KLHL15: variants seen among roughly 807,000 people sequenced by gnomAD.
KLHL15 encodes kelch like family member 15.
KLHL15 carries 1 observed loss-of-function variant against 29.3 expected under a neutral mutation model. The ratio of observed to expected loss-of-function variants is 0.03; its 90% CI spans 0.01 to 0.16. The LOEUF (loss-of-function observed/expected upper bound fraction) is 0.16, where lower values mean the gene tolerates loss of function less well. Ranked by LOEUF, KLHL15 falls within the 10% of genes least tolerant of loss-of-function variation. The probability of loss-of-function intolerance (pLI) is 1.00; values close to 1 mark genes in which losing one functional copy is unlikely to be tolerated. For missense variants in KLHL15, 215 were observed against 478.5 expected (o/e 0.45, Z 5.14); for synonymous variants, 212 against 184.5 (o/e 1.15, Z -1.21).
intron 2 of KLHL15, among the ~76,000 whole-genome samples, chrX:24,024,611 G>A (rs777150813): frequency 1.8e-5 from 2 of 112,761 alleles, no homozygotes; most frequent in African/African-American, 6.4e-5. Context: ...AAATAATCAT[G>A]GTACCTGCAG....
chrX:24,012,773 C>T (rs747978326), intron 2 of KLHL15, among the ~76,000 whole-genome samples: 75 of 111,371 alleles, frequency 6.7e-4, no homozygotes, highest in African/African-American at 2.1e-3. Flanking sequence ...TTTCAGCATT[C>T]TCTATCTTCT....
Position 23,987,675 on chromosome X carries a change from T to C in KLHL15, c.*246A>G, listed in dbSNP as rs1929010479. On this transcript the variant is annotated 3_prime_UTR_variant, in exon 4 of 4. Transcript: ENST00000328046. ...GCAGAAAATCAATATCCCAGATAAGTGGAGCATTCTATTCAACTGCTTCTG... is the reference window on the plus strand; with the variant it reads ...GCAGAAAATCAATATCCCAGATAAGCGGAGCATTCTATTCAACTGCTTCTG... 2 of 314,342 alleles carry C rather than the reference T, an allele frequency of 6.4e-6. No individual in the cohort carries two copies. Among genetic ancestry groups the C allele is most frequent in the East Asian group, 1.0e-4 (2 of 19,951 alleles). 25.9% of individuals were successfully genotyped at this position (314,342 alleles called of 1,213,427 possible).
chrX:24,017,815 A>G (rs746106100), intron 2 of KLHL15, among the ~76,000 whole-genome samples: 1 of 109,066 alleles, frequency 9.2e-6, no homozygotes. Flanking sequence ...AATTGTGTAC[A>G]TAATTCTTTA....
chrX:23,997,400 T>C (rs903467727), intron 3 of KLHL15, among the ~76,000 whole-genome samples: 3 of 110,513 alleles, frequency 2.7e-5, no homozygotes, highest in African/African-American at 9.9e-5. Context: ...ATGGTGCCAC[T>C]GCACTGCAGC....
intron 2 of KLHL15, among the ~76,000 whole-genome samples, chrX:24,010,155 C>G (rs188031793): frequency 9.0e-6 from 1 of 111,219 alleles, no homozygotes; most frequent in Non-Finnish European, 1.9e-5. Flanking sequence ...ACTCCCACCC[C>G]ACTTGGACCT....
intron 3 of KLHL15, among the ~76,000 whole-genome samples, chrX:23,999,915 G>A (rs1308080955): frequency 8.9e-6 from 1 of 112,193 alleles, no homozygotes; most frequent in Non-Finnish European, 1.9e-5. Flanking sequence ...ATGGGGTTGG[G>A]GAGGAAGGGT....
At chrX:23,993,171 A>C (rs1929119214) in intron 3 of KLHL15, among the ~76,000 whole-genome samples, 1 of 111,070 alleles carries the variant, frequency 9.0e-6, no homozygotes, top group Non-Finnish European at 1.9e-5. Context: ...AGCAAGTTCA[A>C]GTCATTCGAT....
In KLHL15 at chrX:23,986,480, T is replaced by A. The variant is rs1394345297; in HGVS notation, c.*1441A>T. On this transcript the variant is annotated 3_prime_UTR_variant, in exon 4 of 4. Transcript: ENST00000328046. ...AATGGCATCAATTTCAATGATCCAC[T>A]CCCAGGTTATTCTTGCTTAACTTTG... The A allele has an allele frequency of 8.9e-6, 1 of 112,098 alleles. No individual in the cohort carries two copies. The highest frequency in any genetic ancestry group is 3.2e-5 in the African/African-American group (1 of 30,914). The allele number at this position is 112,098 out of a possible 1,213,427, so 9.2% of individuals were successfully genotyped here. A position where few individuals can be genotyped will look rare whatever the true frequency, so the allele number is the denominator to read the frequency against.
chrX:24,025,901 T>C (rs1409778798), intron 1 of KLHL15, among the ~76,000 whole-genome samples: 1 of 110,870 alleles, frequency 9.0e-6, no homozygotes, highest in African/African-American at 3.3e-5. Context: ...CACTCAGCTG[T>C]CCTCGTCCCC....
intron 1 of KLHL15, among the ~76,000 whole-genome samples, chrX:24,025,633 C>T (rs1461750632): frequency 9.3e-6 from 1 of 107,617 alleles, no homozygotes; most frequent in African/African-American, 3.4e-5. Context: ...TGTTTACCTT[C>T]CCCCTGGTCG....
At chrX:23,996,238 T>C (rs981879787) in intron 3 of KLHL15, among the ~76,000 whole-genome samples, 2 of 111,829 alleles carry the variant, frequency 1.8e-5, no homozygotes, top group Non-Finnish European at 3.8e-5. Flanking sequence ...ATCCAAAAAA[T>C]GCTAACCTAA....
chrX:24,024,028 A>G (rs776278132), intron 2 of KLHL15, among the ~76,000 whole-genome samples: 113 of 112,436 alleles, frequency 1.0e-3, no homozygotes, highest in African/African-American at 3.5e-3. Flanking sequence ...CAAATTCGGA[A>G]AACAGAAAAG....
chrX:24,009,686 CAAAAAAAAAAAAA>C (rs748388349), intron 2 of KLHL15, among the ~76,000 whole-genome samples: 1,451 of 34,227 alleles, frequency 0.042, 22 homozygotes, highest in Middle Eastern at 0.13. Flanking sequence ...GTTCCATTTT[CAAAAAAAAAAAAA>C]AAAAAAAAAG....
intron 2 of KLHL15, among the ~76,000 whole-genome samples, chrX:24,010,570 A>G (rs1649164469): frequency 1.8e-5 from 2 of 112,182 alleles, no homozygotes; most frequent in Non-Finnish European, 3.8e-5. Context: ...ACTTTCTAGA[A>G]TATCTCATGA....
At position 23,985,857 on chromosome X, in the gene KLHL15, CACAT is replaced by C. The variant is rs1928975676; in HGVS notation, c.*2060_*2063del. On this transcript the variant is annotated 3_prime_UTR_variant, in exon 4 of 4. Transcript: ENST00000328046. ...TTATTTTCTTTAAAGCAAAATAGCA[CACAT>C]ACAAAGCCACTAAACTAATGTAGAA... 1.8e-5 allele frequency: 2 copies of C among 111,551 alleles called. No individual in the cohort carries two copies. Among genetic ancestry groups the C allele is most frequent in the Non-Finnish European group, 3.8e-5 (2 of 53,052 alleles). The allele number at this position is 111,551 out of a possible 1,213,427, so 9.2% of individuals were successfully genotyped here.
rs56242532 is a variant in KLHL15, at chrX:23,987,701, G to A, written c.*220C>T. 1,952 of 348,750 alleles carry A rather than the reference G, an allele frequency of 5.6e-3. 7 individuals are homozygous for A. Among genetic ancestry groups the A allele is most frequent in the Non-Finnish European group, 8.2e-3 (1,666 of 203,015 alleles). 28.7% of individuals were successfully genotyped at this position (348,750 alleles called of 1,213,427 possible). ...GGAGCATTCTATTCAACTGCTTCTG[G>A]AAGTAGTTTCAAGAGCTAGCACTTA... On this transcript the variant is annotated 3_prime_UTR_variant, in exon 4 of 4. Transcript: ENST00000328046.
chrX:23,998,241 G>T (rs1192750691), intron 3 of KLHL15, among the ~76,000 whole-genome samples: 1 of 110,320 alleles, frequency 9.1e-6, no homozygotes, highest in African/African-American at 3.3e-5. Flanking sequence ...GATTACAGGC[G>T]TGTGCCACCG....
intron 3 of KLHL15, among the ~76,000 whole-genome samples, chrX:24,002,006 G>T (rs184271991): frequency 9.7e-6 from 1 of 103,116 alleles, no homozygotes; most frequent in Non-Finnish European, 2.0e-5. Flanking sequence ...GGTGGCGGGC[G>T]CCTGTAGTCC....
chrX:23,988,443 G>A lies in KLHL15; in HGVS notation c.1293C>T (p.Thr431=), dbSNP rs140724429. The A allele has an allele frequency of 3.3e-5, 40 of 1,209,572 alleles. No homozygotes were observed. The African/African-American group carries it at 5.2e-4, about 16-fold the overall frequency. ...AGGTGGAAGATGAGGTGATTCCACC[G>A]GTGATAAACAATTTGTTATTGAGCA... ...GTVLNNKLFI[T]GGITSSSTSK... Residue 431 remains threonine, a synonymous_variant, in exon 4 of 4, where the codon ACC becomes ACT. Transcript: ENST00000328046.
Sources: allele counts gnomAD v4.1 joint callset (sites outside exome capture counted in the v4.1 genomes callset), GRCh38; gene constraint gnomAD v4.1.1; transcripts MANE v1.5; gene names NCBI Gene and HGNC (gene_info 2026-07-23, HGNC 2026-07-21).